Variants in CNTNAP2 observed in about 807,000 individuals in gnomAD.
CNTNAP2 encodes the protein contactin associated protein 2.
CNTNAP2 carries 98 observed loss-of-function variants against 155.2 expected under a neutral mutation model. The ratio of observed to expected loss-of-function variants is 0.63; its 90% CI spans 0.54 to 0.75. The LOEUF is 0.75. CNTNAP2 is among the 30% of genes least tolerant of loss of function. CNTNAP2 has a pLI of 0.00. For missense variants in CNTNAP2, 1,727 were observed against 1,688.1 expected, an observed-to-expected ratio of 1.02 and a Z score of -0.40; for synonymous variants, 651 against 631.2, an observed-to-expected ratio of 1.03 and a Z score of -0.47.
At chr7:146,716,888 T>C (rs947482401) in intron 1 of CNTNAP2, among the ~76,000 whole-genome samples, 7 of 152,218 alleles carry the variant, frequency 4.6e-5, no homozygotes, top group Admixed American at 6.5e-5. Context: ...GCAGTTACAG[T>C]ATTTGATAAT....
intron 8 of CNTNAP2, among the ~76,000 whole-genome samples, chr7:147,164,108 CAT>C (rs1209361706): frequency 6.6e-6 from 1 of 152,184 alleles, no homozygotes; most frequent in Admixed American, 6.5e-5. Context: ...CTGGCATACT[CAT>C]GTGGAAAAAG....
chr7:148,301,306 A>AAAAAAAAATATAT, intron 21 of CNTNAP2, among the ~76,000 whole-genome samples: 15 of 103,870 alleles, frequency 1.4e-4, no homozygotes, highest in African/African-American at 5.7e-4. Context: ...AAAAAAAAAA[A>AAAAAAAAATATAT]ATATATATAT....
chr7:147,128,856 A>C lies in CNTNAP2; in HGVS notation c.1083+20A>C. On this transcript the variant is annotated intron_variant, in intron 7 of 23. Transcript: ENST00000361727. ...AATGTGGTAAGGATTTTCACCCGCA[A>C]AATATTGGTCTATAAAATATCAAGT... is the stretch of plus-strand genomic sequence containing the variant. 6.2e-7 allele frequency: 1 copy of C among 1,613,874 alleles called. No individual in the cohort carries two copies. Among genetic ancestry groups the C allele is most frequent in the Non-Finnish European group, 8.5e-7 (1 of 1,179,794 alleles).
chr7:146,420,304 T>G (rs548718226), intron 1 of CNTNAP2, among the ~76,000 whole-genome samples: 2 of 152,204 alleles, frequency 1.3e-5, no homozygotes, highest in African/African-American at 4.8e-5. Context: ...TTCTTTGACT[T>G]AAAATGACCT....
chr7:147,203,659 C>T (rs1802964567), intron 8 of CNTNAP2, among the ~76,000 whole-genome samples: 2 of 152,030 alleles, frequency 1.3e-5, no homozygotes, highest in Non-Finnish European at 2.9e-5. Flanking sequence ...AAAGTAAATA[C>T]CTTCCAATGT....
rs531488431 is a variant in CNTNAP2, at chr7:147,750,442, T to A, written c.2098+111136T>A. The stretch of plus-strand genomic sequence containing the variant: ...TTTTGCTTTCCTCTTTATATTTTTC[T>A]CTATTGCTTGAATTTTCTCTATAAG... On this transcript the variant is annotated intron_variant, in intron 13 of 23. Transcript: ENST00000361727. Among the ~76,000 whole-genome samples, 26 of 152,302 alleles carry A rather than the reference T, an allele frequency of 1.7e-4. No homozygotes were observed. The South Asian group carries it at 5.4e-3, about 32-fold the overall frequency.
intron 9 of CNTNAP2, among the ~76,000 whole-genome samples, chr7:147,319,903 A>G (rs965310495): frequency 6.6e-6 from 1 of 152,166 alleles, no homozygotes; most frequent in African/African-American, 2.4e-5. Context: ...ACTCTTTTAT[A>G]TAGGGTCATA....
chr7:146,484,151 A>C (rs1257411627), intron 1 of CNTNAP2, among the ~76,000 whole-genome samples: 2 of 152,218 alleles, frequency 1.3e-5, no homozygotes, highest in Non-Finnish European at 2.9e-5. Flanking sequence ...CATGCTGTAC[A>C]AGTTTGTTAC....
chr7:146,801,212 C>T lies in CNTNAP2; in HGVS notation c.208+26831C>T, dbSNP rs77267090. ...GGAGGAAGTTTCAGGCTCTTTTAAA[C>T]AACTAGCTCTGACATGAACTAATAG... On this transcript the variant is annotated intron_variant, in intron 2 of 23. Transcript: ENST00000361727. Among the ~76,000 whole-genome samples the T allele has an allele frequency of 2.2e-3, 342 of 152,216 alleles. 4 individuals carry two copies. Among genetic ancestry groups the T allele is most frequent in the African/African-American group, 7.8e-3 (323 of 41,520 alleles).
At chr7:148,377,697 A>G (rs1798986968) in intron 21 of CNTNAP2, among the ~76,000 whole-genome samples, 1 of 67,356 alleles carries the variant, frequency 1.5e-5, no homozygotes, top group African/African-American at 3.6e-5. Flanking sequence ...TCTAATTTCC[A>G]TAGTACTTGA....
chr7:147,212,933 G>A (rs77735509), intron 8 of CNTNAP2, among the ~76,000 whole-genome samples: 1 of 151,988 alleles, frequency 6.6e-6, no homozygotes, highest in Non-Finnish European at 1.5e-5. Context: ...CCTAACATCA[G>A]GATGTTAAAT....
intron 4 of CNTNAP2, among the ~76,000 whole-genome samples, chr7:147,069,255 T>C (rs1455065793): frequency 1.3e-5 from 2 of 152,288 alleles, no homozygotes; most frequent in Non-Finnish European, 1.5e-5. Context: ...AGCATAAATA[T>C]GCAAACTCTA....
chr7:146,483,280 AAAATATATATATATATATATATATATAT>A (rs1341294913), intron 1 of CNTNAP2, among the ~76,000 whole-genome samples: 2 of 54,478 alleles, frequency 3.7e-5, no homozygotes, highest in Admixed American at 1.9e-4. Flanking sequence ...CGTCTAAAAA[AAAATATATATATATATATATATATATAT>A]ATATATATAT....
intron 14 of CNTNAP2, among the ~76,000 whole-genome samples, chr7:147,945,044 A>AT (rs1229806131): frequency 1.3e-5 from 2 of 152,186 alleles, no homozygotes; most frequent in African/African-American, 2.4e-5. Context: ...GATGCATAAT[A>AT]TTTTTTCTGC....
intron 16 of CNTNAP2, among the ~76,000 whole-genome samples, chr7:148,129,710 AC>A (rs1804788110): frequency 6.6e-6 from 1 of 152,198 alleles, no homozygotes; most frequent in African/African-American, 2.4e-5. Context: ...ACCTCTCCAG[AC>A]TTTATCATAT....
chr7:148,206,222 A>G (rs1795447449), intron 18 of CNTNAP2, among the ~76,000 whole-genome samples: 1 of 147,882 alleles, frequency 6.8e-6, no homozygotes, highest in Non-Finnish European at 1.5e-5. Context: ...TAATATATTT[A>G]ATATACTAGA....
At chr7:147,756,862 G>A (rs1723179270) in intron 13 of CNTNAP2, among the ~76,000 whole-genome samples, 1 of 152,046 alleles carries the variant, frequency 6.6e-6, no homozygotes, top group Non-Finnish European at 1.5e-5. Context: ...AAGTCTCTTT[G>A]GCATCCTCCC....
intron 1 of CNTNAP2, among the ~76,000 whole-genome samples, chr7:146,658,343 C>T (rs961920269): frequency 8.7e-5 from 13 of 149,216 alleles, no homozygotes; most frequent in South Asian, 6.3e-4. Flanking sequence ...GGTGTTTGAA[C>T]GGAGTTTTAA....
intron 1 of CNTNAP2, among the ~76,000 whole-genome samples, chr7:146,721,711 C>A (rs1454092868): frequency 1.1e-5 from 1 of 94,326 alleles, no homozygotes; most frequent in South Asian, 2.4e-4. Flanking sequence ...TATATACATT[C>A]TATATATATT....
Sources: allele counts gnomAD v4.1 joint callset (sites outside exome capture counted in the v4.1 genomes callset), GRCh38; gene constraint gnomAD v4.1.1; transcripts MANE v1.5; gene names NCBI Gene and HGNC (gene_info 2026-07-23, HGNC 2026-07-21).